SYNE1: variants seen among roughly 807,000 people sequenced by gnomAD.
The protein encoded by SYNE1 is spectrin repeat containing nuclear envelope protein 1.
SYNE1 carries 616 observed loss-of-function variants against 1,111.0 expected under a neutral mutation model. The observed-to-expected ratio is 0.55, with a 90% CI of 0.52 to 0.59. SYNE1 has a LOEUF of 0.59. Among genes scored for constraint, SYNE1 ranks in the 20% least tolerant of loss-of-function variants. SYNE1 has a pLI of 0.00. For synonymous variants in SYNE1, 3,855 were observed against 3,825.8 expected (o/e 1.01, Z -0.28); for missense variants, 10,006 against 10,417.0 (o/e 0.96, Z 1.72).
intron 3 of SYNE1, among the ~76,000 whole-genome samples, chr6:152,603,433 C>A (rs543586191): frequency 3.3e-5 from 5 of 152,008 alleles, no homozygotes; most frequent in Non-Finnish European, 5.9e-5. Context: ...CTGTCCTTAG[C>A]CCCAGGATGA....
chr6:152,601,531 T>C (rs1030842935), intron 3 of SYNE1, among the ~76,000 whole-genome samples: 1 of 152,260 alleles, frequency 6.6e-6, no homozygotes, highest in African/African-American at 2.4e-5. Context: ...AGGATTAGAA[T>C]GTGGATGCCT....
chr6:152,210,272 A>G (rs541246700), intron 124 of SYNE1, among the ~76,000 whole-genome samples: 1 of 152,218 alleles, frequency 6.6e-6, no homozygotes, highest in African/African-American at 2.4e-5. Context: ...AAATGTTAGT[A>G]TTGAAAAGTT....
intron 127 of SYNE1, among the ~76,000 whole-genome samples, chr6:152,191,662 G>C (rs1232001644): frequency 1.3e-5 from 2 of 151,664 alleles, no homozygotes; most frequent in Admixed American, 6.6e-5. Flanking sequence ...TCTTAGTCTG[G>C]CTAATGGTTT....
At chr6:152,596,421 A>G (rs2099582072) in intron 3 of SYNE1, among the ~76,000 whole-genome samples, 1 of 151,936 alleles carries the variant, frequency 6.6e-6, no homozygotes, top group African/African-American at 2.4e-5. Flanking sequence ...ATGCCCAGCT[A>G]ATTTTTGTAG....
chr6:152,372,571 G>A (rs534107146), intron 59 of SYNE1, among the ~76,000 whole-genome samples: 1 of 152,238 alleles, frequency 6.6e-6, no homozygotes, highest in South Asian at 2.1e-4. Flanking sequence ...TATTGTGTGT[G>A]GAGAAAATAA....
intron 3 of SYNE1, among the ~76,000 whole-genome samples, chr6:152,584,156 TAA>T (rs138044422): frequency 2.4e-3 from 358 of 152,190 alleles, no homozygotes; most frequent in African/African-American, 7.8e-3. Context: ...GCACAATAAT[TAA>T]AGTTTTCCTT....
intron 124 of SYNE1, among the ~76,000 whole-genome samples, chr6:152,210,987 C>G (rs918080242): frequency 7.9e-5 from 12 of 152,138 alleles, no homozygotes; most frequent in Admixed American, 1.3e-4. Flanking sequence ...CCAGTACTGA[C>G]TGAAAACCAG....
chr6:152,533,172 T>C (rs2099213704), intron 4 of SYNE1, among the ~76,000 whole-genome samples: 1 of 152,108 alleles, frequency 6.6e-6, no homozygotes, highest in Non-Finnish European at 1.5e-5. Context: ...TCTGCTTCTC[T>C]TTCACTGCCT....
chr6:152,622,974 A>G (rs1036735615), intron 3 of SYNE1, among the ~76,000 whole-genome samples: 1 of 152,066 alleles, frequency 6.6e-6, no homozygotes, highest in Non-Finnish European at 1.5e-5. Context: ...CTGTTGTGAG[A>G]TGGTTTTGGC....
At chr6:152,182,569 G>A (rs1331833202) in intron 128 of SYNE1, among the ~76,000 whole-genome samples, 1 of 152,052 alleles carries the variant, frequency 6.6e-6, no homozygotes, top group South Asian at 2.1e-4. Context: ...TACTTTTTAT[G>A]TATTTCAAAC....
chr6:152,491,346 TGGCTGCTCACCCACATTACAGCCCAG>T (rs1207478257), intron 11 of SYNE1, among the ~76,000 whole-genome samples: 10 of 152,164 alleles, frequency 6.6e-5, no homozygotes, highest in Non-Finnish European at 8.8e-5. Context: ...ACGCCTGCTT[TGGCTGCTCACCCACATTACAGCCCAG>T]GGCTGCTCAC....
At chr6:152,429,086 G>GTAGTAA (rs368905357) in intron 36 of SYNE1, among the ~76,000 whole-genome samples, 1 of 144,688 alleles carries the variant, frequency 6.9e-6, no homozygotes, top group African/African-American at 2.5e-5. Context: ...TATCTCAATA[G>GTAGTAA]TAATAATAAT....
intron 140 of SYNE1, among the ~76,000 whole-genome samples, chr6:152,137,395 C>G (rs1445430664): frequency 3.9e-5 from 6 of 152,146 alleles, no homozygotes. Context: ...GCCCTGGGAT[C>G]CAGATGTACT....
Position 152,136,693 on chromosome 6 carries a change from A to G in SYNE1, c.25584T>C (p.Asn8528=). The G allele has an allele frequency of 6.2e-7, 1 of 1,614,208 alleles. No homozygotes were observed. Among genetic ancestry groups the G allele is most frequent in the Non-Finnish European group, 8.5e-7 (1 of 1,180,044 alleles). Residue 8528 remains asparagine, a synonymous_variant, in exon 141 of 146, where the codon AAT becomes AAC. Coordinates refer to ENST00000367255, the MANE Select transcript of SYNE1 (RefSeq NM_182961.4). ...RDLQDRLSQM[N]GRWDRVCSLL... Reference sequence around the variant, plus strand: ...GAGAGCACACTCGGTCCCAGCGCCCATTCATCTGCGACAAGCGATCCTGCA... The same window carrying G: ...GAGAGCACACTCGGTCCCAGCGCCCGTTCATCTGCGACAAGCGATCCTGCA...
chr6:152,525,339 C>G (rs1429533225), intron 5 of SYNE1, among the ~76,000 whole-genome samples: 1 of 152,108 alleles, frequency 6.6e-6, no homozygotes, highest in Non-Finnish European at 1.5e-5. Context: ...ATTTTGGACT[C>G]TGTGTCTAGT....
In SYNE1 at chr6:152,387,326, A is replaced by T. The variant is rs541934779; in HGVS notation, c.8233T>A (p.Leu2745Met). Residue 2745 changes from leucine to methionine, a missense_variant, in exon 54 of 146, where the codon TTG (leucine) becomes ATG (methionine). Physicochemically the swap from Leu to Met is conservative, Grantham distance 15. This residue lies in a region of SYNE1 where 4,955 missense variants were observed against 5,017.2 expected (regional missense o/e 0.99). Coordinates refer to ENST00000367255, the MANE Select transcript of SYNE1 (RefSeq NM_182961.4). ...TCCACTGATTCCATCCACTGCTCCA[A>T]CTGGTTTTTCCTCTCTACATAGTCA... ...WNDYVERKNQ[L>M]EQWMESVDQK... 10 of 1,614,044 alleles carry T rather than the reference A, an allele frequency of 6.2e-6. No individual in the cohort carries two copies. The South Asian group carries it at 9.9e-5, about 16-fold the overall frequency.
chr6:152,187,613 C>T (rs2070570603), intron 128 of SYNE1, among the ~76,000 whole-genome samples: 2 of 152,198 alleles, frequency 1.3e-5, no homozygotes, highest in Non-Finnish European at 2.9e-5. Flanking sequence ...CAGTCTCCTC[C>T]ACTCCCCTTT....
chr6:152,189,019 A>ATATATATATATATAT (rs2071397143), intron 128 of SYNE1, among the ~76,000 whole-genome samples: 2 of 131,380 alleles, frequency 1.5e-5, no homozygotes, highest in African/African-American at 5.5e-5. Context: ...ATATATATAT[A>ATATATATATATATAT]AAATGCCAGC....
chr6:152,399,777 G>A lies in SYNE1; in HGVS notation c.7076C>T (p.Thr2359Ile), dbSNP rs142747430. ...LQSQQSNISS[T>I]QENLNSLCRK... ...GCACAAGCTATTGAGATTTTCTTGG[G>A]TAGAGCTGATGTTGCTTTGTTGACT... The change falls in exon 48 of 146, where the codon ACC (threonine) becomes ATC (isoleucine). Residue 2359 changes from threonine to isoleucine, a missense_variant. Physicochemically the swap from Thr to Ile is moderately conservative, Grantham distance 89 (BLOSUM62 -1). Around this residue, in one of 7 missense-constraint regions of SYNE1, gnomAD observed 4,955 missense variants for 5,017.2 expected, o/e 0.99. Transcript: ENST00000367255. 1 of 1,614,138 alleles carries A rather than the reference G, an allele frequency of 6.2e-7. No homozygotes were observed. The highest frequency in any genetic ancestry group is 8.5e-7 in the Non-Finnish European group (1 of 1,180,008).
Sources: gnomAD v4.1 joint callset for allele counts (sites outside exome capture counted in the v4.1 genomes callset) on GRCh38, gnomAD v4.1.1 for gene constraint, gnomAD v4.1.1 regional missense constraint, MANE v1.5 for transcripts, NCBI Gene and HGNC (gene_info 2026-07-23, HGNC 2026-07-21) for gene names.